The following MECR variants were observed in gnomAD, a reference collection of about 807,000 sequenced individuals.
MECR encodes mitochondrial trans-2-enoyl-CoA reductase.
In MECR, 37 loss-of-function variants were observed where a neutral mutation model predicts 49.1. The ratio of observed to expected loss-of-function variants is 0.75; its 90% CI spans 0.58 to 0.99. MECR has a LOEUF of 0.99. MECR is among the 50% of genes least tolerant of loss of function. The pLI is 0.00. For synonymous variants in MECR, 198 were observed against 191.1 expected (o/e 1.04, Z -0.30); for missense variants, 470 against 479.6 (o/e 0.98, Z 0.19).
intron 3 of MECR, among the ~76,000 whole-genome samples, chr1:29,209,105 T>C (rs1677313013): frequency 6.6e-6 from 1 of 152,160 alleles, no homozygotes; most frequent in South Asian, 2.1e-4. Context: ...GGGCAGGTGA[T>C]ATTAGACTTT....
intron 1 of MECR, among the ~76,000 whole-genome samples, chr1:29,230,164 A>G (rs1489866102): frequency 6.6e-6 from 1 of 152,244 alleles, no homozygotes; most frequent in Non-Finnish European, 1.5e-5. Context: ...CCAATCACTT[A>G]TTAGCGGTAT....
At chr1:29,194,252 C>G in intron 9 of MECR, 73 bp from the exon 10 acceptor site, 1 of 1,485,962 alleles carries the variant, frequency 6.7e-7, no homozygotes, top group Admixed American at 2.2e-5. Flanking sequence ...CGGGGCTGCC[C>G]TATGGGCAGG....
chr1:29,177,892 G>C, the MECR span, among the ~76,000 whole-genome samples: 1 of 121,556 alleles, frequency 8.2e-6, no homozygotes, highest in Non-Finnish European at 1.7e-5. Flanking sequence ...TATTACACAA[G>C]ATTTTTTTTT....
chr1:29,205,510 T>C (rs1239432179), intron 4 of MECR, among the ~76,000 whole-genome samples: 2 of 151,628 alleles, frequency 1.3e-5, no homozygotes, highest in Non-Finnish European at 2.9e-5. Context: ...CAGTGGGTTC[T>C]GAGAGTCTTC....
intron 1 of MECR, among the ~76,000 whole-genome samples, chr1:29,220,410 A>G (rs940277797): frequency 6.6e-5 from 10 of 152,158 alleles, no homozygotes; most frequent in African/African-American, 2.2e-4. Flanking sequence ...CAAAAGAAAA[A>G]AAAGTGCCAG....
At chr1:29,198,017 G>A (rs964392285) in intron 7 of MECR, among the ~76,000 whole-genome samples, 2 of 152,174 alleles carry the variant, frequency 1.3e-5, no homozygotes, top group African/African-American at 4.8e-5. Context: ...GACTGGAGTG[G>A]GGGAGATGGT....
chr1:29,173,864 A>G, the MECR span, among the ~76,000 whole-genome samples: 1 of 152,026 alleles, frequency 6.6e-6, no homozygotes, highest in African/African-American at 2.4e-5. Context: ...AATTAGTTTA[A>G]AAAATTATAA....
At chr1:29,222,648 T>C (rs1391105246) in intron 1 of MECR, among the ~76,000 whole-genome samples, 1 of 152,170 alleles carries the variant, frequency 6.6e-6, no homozygotes, top group Non-Finnish European at 1.5e-5. Flanking sequence ...CTTCTTTGTC[T>C]TCTGGGAAGC....
In MECR at chr1:29,227,753, AG is replaced by A. The variant is rs1398780938; in HGVS notation, c.176+2977del. Among the ~76,000 whole-genome samples the A allele has an allele frequency of 5.3e-5, 8 of 152,226 alleles. 1 individual carries two copies. The highest frequency in any genetic ancestry group is 1.9e-4 in the African/African-American group (8 of 41,458). ...GACAGCCAGTTACCAGGATGTGTAA[AG>A]GACACCTGATTCTTTCTGTGACAGT... On this transcript the variant is annotated intron_variant, in intron 1 of 9. Transcript: ENST00000263702.
the MECR span, chr1:29,171,047 C>T: frequency 6.6e-6 from 1 of 152,158 alleles, no homozygotes; most frequent in African/African-American, 2.4e-5. Flanking sequence ...AATCTAATCC[C>T]TCACCTTCAG....
At position 29,195,927 on chromosome 1, in the gene MECR, G is replaced by T. The variant is rs781709222; in HGVS notation, c.964+14C>A. ...CCCTCATCTGTGACTCTTGGCACTG[G>T]GCCATGCACTCACCTGGACTGTGAT... On this transcript the variant is annotated intron_variant, in intron 9 of 9. Transcript: ENST00000263702. 4 of 1,613,940 alleles carry T rather than the reference G, an allele frequency of 2.5e-6. No homozygotes were observed. The South Asian group carries it at 4.4e-5, about 18-fold the overall frequency.
chr1:29,209,206 C>T (rs2151879032), intron 3 of MECR, among the ~76,000 whole-genome samples: 1 of 150,552 alleles, frequency 6.6e-6, no homozygotes, highest in East Asian at 2.3e-4. Flanking sequence ...CTGTGTTTCA[C>T]AGAATACTTA....
At chr1:29,212,302 C>T (rs984887854) in intron 3 of MECR, among the ~76,000 whole-genome samples, 6 of 151,050 alleles carry the variant, frequency 4.0e-5, no homozygotes, top group Admixed American at 2.0e-4. Flanking sequence ...GCCTGTAGTC[C>T]CAGCTACTCG....
intron 2 of MECR, 51 bp downstream of exon 2, chr1:29,216,537 G>A (rs1056814033): frequency 7.1e-6 from 11 of 1,541,890 alleles, no homozygotes; most frequent in Non-Finnish European, 9.0e-6. Context: ...AAAATGAGGT[G>A]GCAGCTGAAC....
chr1:29,180,207 G>C, the MECR span, among the ~76,000 whole-genome samples: 1 of 152,186 alleles, frequency 6.6e-6, no homozygotes, highest in Admixed American at 6.5e-5. Context: ...TCCACACTTT[G>C]TCCACAAAAG....
chr1:29,222,051 C>G lies in MECR; in HGVS notation c.177-5366G>C, dbSNP rs114791406. ...CTGTTGAACCCTACACCAGCATTCA[C>G]TACGCTGTGTGTGCTGAATTTTTCT... On this transcript the variant is annotated intron_variant, in intron 1 of 9. Coordinates refer to ENST00000263702, the MANE Select transcript of MECR (RefSeq NM_016011.5). Among the ~76,000 whole-genome samples the G allele has an allele frequency of 2.5e-3, 381 of 152,310 alleles. 1 individual carries two copies. The highest frequency in any genetic ancestry group is 4.2e-3 in the Non-Finnish European group (289 of 68,020).
chr1:29,219,629 A>G (rs1389616515), intron 1 of MECR, among the ~76,000 whole-genome samples: 1 of 152,202 alleles, frequency 6.6e-6, no homozygotes, highest in Non-Finnish European at 1.5e-5. Context: ...ATTTTTTGTC[A>G]ATTGATCAGG....
intron 3 of MECR, among the ~76,000 whole-genome samples, chr1:29,210,095 C>G (rs1479497715): frequency 6.6e-6 from 1 of 151,420 alleles, no homozygotes; most frequent in African/African-American, 2.4e-5. Flanking sequence ...ACTGCAAGCT[C>G]TGCCTCCAAG....
At chr1:29,229,078 G>A (rs1315248594) in intron 1 of MECR, 3 of 152,178 alleles carry the variant, frequency 2.0e-5, no homozygotes, top group Non-Finnish European at 2.9e-5. Flanking sequence ...ACAATTTGGA[G>A]TTTACTGACT....
Sources: allele counts gnomAD v4.1 joint callset (sites outside exome capture counted in the v4.1 genomes callset), GRCh38; gene constraint gnomAD v4.1.1; transcripts MANE v1.5; gene names NCBI Gene and HGNC (gene_info 2026-07-23, HGNC 2026-07-21).